The following RAB11FIP1 variants were observed in gnomAD, a reference collection of about 807,000 sequenced individuals.
RAB11FIP1 encodes rab11 family-interacting protein 1.
RAB11FIP1 carries 49 observed loss-of-function variants against 83.1 expected under a neutral mutation model. That is an observed-to-expected ratio of 0.59 (90% CI 0.47 to 0.75). The LOEUF (loss-of-function observed/expected upper bound fraction) is 0.75, where lower values mean the gene tolerates loss of function less well. RAB11FIP1 is among the 30% of genes least tolerant of loss of function. The pLI is 0.00. For missense variants in RAB11FIP1, 1,536 were observed against 1,598.7 expected, an observed-to-expected ratio of 0.96 and a Z score of 0.67; for synonymous variants, 670 against 656.0, an observed-to-expected ratio of 1.02 and a Z score of -0.33.
chr8:37,860,269 T>C lies in RAB11FIP1; in HGVS notation c.*2626A>G, dbSNP rs571961358. On this transcript the variant is annotated 3_prime_UTR_variant, in exon 6 of 6. Coordinates refer to ENST00000330843, the MANE Select transcript of RAB11FIP1 (RefSeq NM_001002814.3). The stretch of plus-strand genomic sequence containing the variant: ...GAGCACACCTGCCCCCCAGGGCACT[T>C]GGACTATCACAGTAAAAATACATTT... 6.5e-6 allele frequency: 1 copy of C among 152,812 alleles called. No homozygotes were observed. Among genetic ancestry groups the C allele is most frequent in the East Asian group, 1.9e-4 (1 of 5,194 alleles). The allele number at this position is 152,812 out of a possible 1,614,324, so 9.5% of individuals were successfully genotyped here. A position where few individuals can be genotyped will look rare whatever the true frequency, so the allele number is the denominator to read the frequency against.
At chr8:37,895,413 C>A (rs1807065122) in intron 1 of RAB11FIP1, among the ~76,000 whole-genome samples, 3 of 147,736 alleles carry the variant, frequency 2.0e-5, no homozygotes, top group South Asian at 4.3e-4. Context: ...GTCTAGCCTC[C>A]TAAAAAGGTT....
In RAB11FIP1 at chr8:37,872,997, A is replaced by G. The variant is rs73673899; in HGVS notation, c.1805T>C (p.Ile602Thr). ...AGTGGATGTGGAAATGGGAGCTGCT[A>G]TGGGAGATGAGAGAGAGGAGAAGAC... The part of the protein sequence containing the change: ...PSVFSSLSSP[I>T]AAPISTSTPI... Residue 602 changes from isoleucine to threonine, a missense_variant, in exon 4 of 6, where the codon ATA (isoleucine) becomes ACA (threonine). Ile to Thr is a moderately conservative substitution (Grantham distance 89). Transcript: ENST00000330843. 3.6e-3 allele frequency: 5,775 copies of G among 1,614,050 alleles called. 177 individuals are homozygous for G. The African/African-American group carries it at 0.067, about 19-fold the overall frequency.
chr8:37,863,710 GT>G (rs2130122238), intron 5 of RAB11FIP1, among the ~76,000 whole-genome samples: 1 of 152,264 alleles, frequency 6.6e-6, no homozygotes, highest in Non-Finnish European at 1.5e-5. Flanking sequence ...TTATTTTGTT[GT>G]ATGAACTTTT....
At position 37,874,707 on chromosome 8, in the gene RAB11FIP1, G is replaced by T. The variant is rs141536416; in HGVS notation, c.1430C>A (p.Ser477Ter). Residue 477 changes from serine to a stop codon, truncating the protein, a stop_gained, in exon 3 of 6, where the codon TCG (serine) becomes TAG (stop). Transcript: ENST00000330843. LOFTEE classifies it high-confidence loss of function. ...LMGVKPGEDA[S>*]GPAEDLVRRS... is the part of the protein sequence containing the mutation. ...TCTCACAAGGTCTTCAGCAGGCCCCGATGCGTCCTCCCCCGGCTTAACCCC... is the reference window on the plus strand; with the variant it reads ...TCTCACAAGGTCTTCAGCAGGCCCCTATGCGTCCTCCCCCGGCTTAACCCC... 6.2e-7 allele frequency: 1 copy of T among 1,613,928 alleles called. No individual in the cohort carries two copies. Among genetic ancestry groups the T allele is most frequent in the African/African-American group, 1.3e-5 (1 of 74,864 alleles).
In RAB11FIP1 at chr8:37,896,258, C is replaced by T. The variant is rs578091858; in HGVS notation, c.371+2813G>A. 1.7e-4 allele frequency among the ~76,000 whole-genome samples: 26 copies of T among 151,394 alleles called. No homozygotes were observed. The East Asian group carries it at 4.9e-3, about 28-fold the overall frequency. On this transcript the variant is annotated intron_variant, in intron 1 of 5. Coordinates refer to ENST00000330843, the MANE Select transcript of RAB11FIP1 (RefSeq NM_001002814.3). ...CCAGGAGGCAGAGGTTTCAGTGAGCCGAGATCACGCCATTGCACTCCAGCC... is the reference window on the plus strand; with the variant it reads ...CCAGGAGGCAGAGGTTTCAGTGAGCTGAGATCACGCCATTGCACTCCAGCC...
At chr8:37,895,901 C>T (rs542757877) in intron 1 of RAB11FIP1, among the ~76,000 whole-genome samples, 1 of 152,238 alleles carries the variant, frequency 6.6e-6, no homozygotes, top group East Asian at 1.9e-4. Flanking sequence ...CACACACACA[C>T]AATCTACAGA....
Position 37,862,731 on chromosome 8 carries a change from A to G in RAB11FIP1, c.*164T>C. 1 of 605,920 alleles carries G rather than the reference A, an allele frequency of 1.7e-6. No homozygotes were observed. Among genetic ancestry groups the G allele is most frequent in the East Asian group, 2.8e-5 (1 of 36,150 alleles). 37.5% of individuals were successfully genotyped at this position (605,920 alleles called of 1,614,324 possible). A position where few individuals can be genotyped will look rare whatever the true frequency, so the allele number is the denominator to read the frequency against. On this transcript the variant is annotated 3_prime_UTR_variant, in exon 6 of 6. Coordinates refer to ENST00000330843, the MANE Select transcript of RAB11FIP1 (RefSeq NM_001002814.3). The stretch of plus-strand genomic sequence containing the variant: ...GTACAGTAAAAGATTAATTGTAATC[A>G]TTAACCTGGCTTCCATTGGTAGAAT...
rs572127005 is a variant in RAB11FIP1 at position 37,887,530 on chromosome 8, CAAAAAAA to C, written c.372-9986_372-9980del. ...TGGGTGGCAGAGTGAGACGCCATCT[CAAAAAAA>C]AAAAAAAAAAAGTAAAAATGGACTC... On this transcript the variant is annotated intron_variant, in intron 1 of 5. Transcript: ENST00000330843. 1.6e-4 allele frequency among the ~76,000 whole-genome samples: 12 copies of C among 74,960 alleles called. 1 individual carries two copies. The highest frequency in any genetic ancestry group is 4.3e-4 in the African/African-American group (9 of 21,094). The allele number at this position is 74,960 out of a possible 152,430, so 49.2% of individuals were successfully genotyped here.
chr8:37,895,457 T>G (rs553508562), intron 1 of RAB11FIP1, among the ~76,000 whole-genome samples: 6 of 148,974 alleles, frequency 4.0e-5, no homozygotes, highest in Non-Finnish European at 7.4e-5. Flanking sequence ...TATATGAGAC[T>G]AGAGAGTTGA....
At chr8:37,882,168 G>C (rs912216793) in intron 1 of RAB11FIP1, among the ~76,000 whole-genome samples, 8 of 152,130 alleles carry the variant, frequency 5.3e-5, no homozygotes, top group Non-Finnish European at 1.0e-4. Flanking sequence ...AGCCCTCCAC[G>C]GGGATGCACA....
At chr8:37,892,336 T>TG (rs1391660076) in intron 1 of RAB11FIP1, among the ~76,000 whole-genome samples, 1 of 152,164 alleles carries the variant, frequency 6.6e-6, no homozygotes, top group East Asian at 1.9e-4. Context: ...CAATTCTAGG[T>TG]TAGGCCAGCT....
chr8:37,890,534 T>C (rs1806926481), intron 1 of RAB11FIP1, among the ~76,000 whole-genome samples: 1 of 152,134 alleles, frequency 6.6e-6, no homozygotes, highest in Admixed American at 6.5e-5. Flanking sequence ...TAACAGATTA[T>C]CAACAATCGT....
Position 37,875,118 on chromosome 8 carries a change from G to C in RAB11FIP1, c.1019C>G (p.Pro340Arg), listed in dbSNP as rs570777718. The change falls in exon 3 of 6, where the codon CCG becomes CGG. Residue 340 changes from proline to arginine, a missense_variant. Coordinates refer to ENST00000330843, the MANE Select transcript of RAB11FIP1 (RefSeq NM_001002814.3). The stretch of plus-strand genomic sequence containing the variant: ...GCCCTTGGGGGATGGGGAGGAGGAC[G>C]GGCTGCTATCCTTGATCTCACCCTT... ...EAKGEIKDSS[P>R]SSSPSPKGFR... 1 of 1,613,980 alleles carries C rather than the reference G, an allele frequency of 6.2e-7. No individual in the cohort carries two copies. The highest frequency in any genetic ancestry group is 8.5e-7 in the Non-Finnish European group (1 of 1,180,002).
chr8:37,872,359 G>C lies in RAB11FIP1; in HGVS notation c.2443C>G (p.Leu815Val). Reference sequence around the variant, plus strand: ...CCCGCCACTGCCTCTTCCGTGAAGAGCTGCTCAGAAAATGACACACGCTTC... The same window carrying C: ...CCCGCCACTGCCTCTTCCGTGAAGACCTGCTCAGAAAATGACACACGCTTC... Reference protein sequence around the residue: ...TKKRVSFSEQLFTEEAVAGAA... With the variant: ...TKKRVSFSEQVFTEEAVAGAA... Residue 815 changes from leucine to valine, a missense_variant, in exon 4 of 6, where the codon CTC becomes GTC. Transcript: ENST00000330843. 6.2e-7 allele frequency: 1 copy of C among 1,614,222 alleles called. No individual in the cohort carries two copies. Among genetic ancestry groups the C allele is most frequent in the Non-Finnish European group, 8.5e-7 (1 of 1,180,044 alleles).
intron 5 of RAB11FIP1, among the ~76,000 whole-genome samples, chr8:37,863,803 A>C (rs1480693721): frequency 1.3e-5 from 2 of 152,182 alleles, no homozygotes; most frequent in African/African-American, 4.8e-5. Context: ...CAGTGCCATC[A>C]TGGGAGGACT....
At position 37,861,425 on chromosome 8, in the gene RAB11FIP1, A is replaced by T; in HGVS notation, c.*1470T>A. 2.8e-6 allele frequency: 1 copy of T among 353,884 alleles called. No individual in the cohort carries two copies. Among genetic ancestry groups the T allele is most frequent in the Non-Finnish European group, 5.5e-6 (1 of 182,928 alleles). 21.9% of individuals were successfully genotyped at this position (353,884 alleles called of 1,614,324 possible). A position where few individuals can be genotyped will look rare whatever the true frequency, so the allele number is the denominator to read the frequency against. On this transcript the variant is annotated 3_prime_UTR_variant, in exon 6 of 6. Coordinates refer to ENST00000330843, the MANE Select transcript of RAB11FIP1 (RefSeq NM_001002814.3). ...ACAATTTCCCCAGTATCCCACAAAT[A>T]ATTTGGGTTTCCTTTTGGGCAGGGA... is the stretch of plus-strand genomic sequence containing the variant.
intron 1 of RAB11FIP1, among the ~76,000 whole-genome samples, chr8:37,881,022 A>C (rs1197522117): frequency 6.6e-6 from 1 of 152,236 alleles, no homozygotes; most frequent in Non-Finnish European, 1.5e-5. Flanking sequence ...CTCACAGGGC[A>C]GATCCCTGCC....
At chr8:37,876,214 A>AAAGAAAGGAAGG (rs1806604667) in intron 2 of RAB11FIP1, among the ~76,000 whole-genome samples, 4 of 128,292 alleles carry the variant, frequency 3.1e-5, no homozygotes, top group African/African-American at 6.3e-5. Flanking sequence ...GAAAAGAAAG[A>AAAGAAAGGAAGG]AAGGAAGGAA....
intron 1 of RAB11FIP1, among the ~76,000 whole-genome samples, chr8:37,878,953 G>C (rs560801028): frequency 6.6e-6 from 1 of 152,218 alleles, no homozygotes; most frequent in Admixed American, 6.5e-5. Flanking sequence ...ACTCTAGTCT[G>C]GGTGACAAAG....
Sources: allele counts gnomAD v4.1 joint callset (sites outside exome capture counted in the v4.1 genomes callset), GRCh38; gene constraint gnomAD v4.1.1; transcripts MANE v1.5; gene names NCBI Gene and HGNC (gene_info 2026-07-23, HGNC 2026-07-21).